Variants in ADGRL2 observed in about 807,000 individuals in gnomAD.
ADGRL2 encodes calcium-independent alpha-latrotoxin receptor 2.
A neutral mutation model predicts 157.4 loss-of-function variants in ADGRL2; 44 were observed. The observed-to-expected ratio is 0.28, with a 90% CI of 0.22 to 0.36. ADGRL2 has a LOEUF of 0.36. Among genes scored for constraint, ADGRL2 ranks in the 10% least tolerant of loss-of-function variants. The pLI, the probability that ADGRL2 is intolerant of heterozygous loss-of-function variation, is 1.00. For synonymous variants in ADGRL2, 585 were observed against 624.7 expected (o/e 0.94, Z 0.95); for missense variants, 1,510 against 1,768.9 (o/e 0.85, Z 2.63).
intron 2 of ADGRL2, among the ~76,000 whole-genome samples, chr1:81,565,348 T>C (rs2080533694): frequency 6.6e-6 from 1 of 152,232 alleles, no homozygotes; most frequent in Admixed American, 6.5e-5. Flanking sequence ...CTTAGCATGC[T>C]ATTTCACTAT....
At chr1:81,403,658 A>C (rs1040886217) in intron 1 of ADGRL2, among the ~76,000 whole-genome samples, 3 of 152,168 alleles carry the variant, frequency 2.0e-5, no homozygotes, top group Non-Finnish European at 2.9e-5. Flanking sequence ...AATCTTGGAA[A>C]AATGGGTTTA....
chr1:81,908,966 C>T (rs1572058502), intron 3 of ADGRL2, among the ~76,000 whole-genome samples: 1 of 151,060 alleles, frequency 6.6e-6, no homozygotes, highest in African/African-American at 2.4e-5. Flanking sequence ...TCTTTGTCTC[C>T]TGGGTTCAAG....
intron 2 of ADGRL2, among the ~76,000 whole-genome samples, chr1:81,542,612 A>C (rs2079911624): frequency 6.6e-6 from 1 of 152,226 alleles, no homozygotes; most frequent in Non-Finnish European, 1.5e-5. Flanking sequence ...CAGAATAGTA[A>C]GGTCAATAAC....
intron 1 of ADGRL2, among the ~76,000 whole-genome samples, chr1:81,401,167 C>G (rs1170742224): frequency 6.6e-6 from 1 of 152,078 alleles, no homozygotes; most frequent in African/African-American, 2.4e-5. Context: ...AGGTGGTGGC[C>G]AACATACTTG....
At chr1:81,876,768 C>T (rs1023656532) in intron 2 of ADGRL2, among the ~76,000 whole-genome samples, 2 of 152,092 alleles carry the variant, frequency 1.3e-5, no homozygotes, top group African/African-American at 4.8e-5. Flanking sequence ...TAACTCAAAT[C>T]CTCAGACTAG....
chr1:81,680,638 A>G (rs1385984263), intron 3 of ADGRL2, among the ~76,000 whole-genome samples: 1 of 152,012 alleles, frequency 6.6e-6, no homozygotes, highest in Non-Finnish European at 1.5e-5. Flanking sequence ...TGTTTTCTCC[A>G]TTATTTAATC....
intron 3 of ADGRL2, among the ~76,000 whole-genome samples, chr1:81,679,995 A>T (rs2083075850): frequency 6.6e-6 from 1 of 152,160 alleles, no homozygotes; most frequent in Non-Finnish European, 1.5e-5. Flanking sequence ...GCAATTTCAC[A>T]CTGCTTTTCT....
At chr1:81,911,218 C>T (rs1396605416) in intron 3 of ADGRL2, among the ~76,000 whole-genome samples, 1 of 152,038 alleles carries the variant, frequency 6.6e-6, no homozygotes, top group Non-Finnish European at 1.5e-5. Context: ...CTGAGAGGCT[C>T]ATCCTAAAAA....
At chr1:81,580,323 T>C (rs1467675084) in intron 2 of ADGRL2, among the ~76,000 whole-genome samples, 1 of 151,906 alleles carries the variant, frequency 6.6e-6, no homozygotes, top group African/African-American at 2.4e-5. Flanking sequence ...TTACATTGTA[T>C]TGATAAGTAC....
chr1:81,456,388 T>G (rs377286116), intron 2 of ADGRL2, among the ~76,000 whole-genome samples: 1 of 151,944 alleles, frequency 6.6e-6, no homozygotes, highest in African/African-American at 2.4e-5. Context: ...CCAGCTAATT[T>G]TTTTAATTTT....
intron 2 of ADGRL2, among the ~76,000 whole-genome samples, chr1:81,485,377 G>A (rs1296933025): frequency 6.6e-6 from 1 of 152,022 alleles, no homozygotes; most frequent in Non-Finnish European, 1.5e-5. Flanking sequence ...CCTGTTTTAA[G>A]ATTTTGAGTG....
At chr1:81,986,803 A>G in intron 21 of ADGRL2, 98 bp from the exon 22 acceptor site, 1 of 1,249,444 alleles carries the variant, frequency 8.0e-7, no homozygotes, top group South Asian at 1.4e-5. Context: ...ACTACCCTTG[A>G]TGAATATAAA....
At chr1:81,911,445 T>C (rs1000186272) in intron 3 of ADGRL2, among the ~76,000 whole-genome samples, 4 of 152,170 alleles carry the variant, frequency 2.6e-5, no homozygotes, top group Non-Finnish European at 2.9e-5. Context: ...CTACCAGTAT[T>C]GTCTCTTTGC....
intron 1 of ADGRL2, among the ~76,000 whole-genome samples, chr1:81,351,962 A>T (rs1312037735): frequency 6.6e-6 from 1 of 152,234 alleles, no homozygotes; most frequent in Non-Finnish European, 1.5e-5. Flanking sequence ...GGTAGCCAAA[A>T]CACAAAAGCC....
intron 2 of ADGRL2, among the ~76,000 whole-genome samples, chr1:81,534,314 A>T (rs925370387): frequency 6.6e-6 from 1 of 151,996 alleles, no homozygotes; most frequent in African/African-American, 2.4e-5. Flanking sequence ...GGCACGAGGC[A>T]CCTTGCCTGG....
chr1:81,516,933 A>G lies in ADGRL2; in HGVS notation c.-247-63943A>G, dbSNP rs142818496. Among the ~76,000 whole-genome samples the G allele has an allele frequency of 6.1e-3, 927 of 151,652 alleles. 3 individuals are homozygous for G. Among genetic ancestry groups the G allele is most frequent in the Non-Finnish European group, 9.4e-3 (639 of 67,890 alleles). The stretch of plus-strand genomic sequence containing the variant: ...CGGTGGCGCAGACACACTAACTTGC[A>G]TACAGTGGGTGGTTAATAAATAGTA... On this transcript the variant is annotated intron_variant, in intron 2 of 24. Transcript: ENST00000370721.
chr1:81,533,459 T>C (rs2079655080), intron 2 of ADGRL2, among the ~76,000 whole-genome samples: 1 of 152,226 alleles, frequency 6.6e-6, no homozygotes, highest in African/African-American at 2.4e-5. Context: ...CTCTTAAGTA[T>C]GTTCCTCTGA....
intron 3 of ADGRL2, among the ~76,000 whole-genome samples, chr1:81,929,968 T>C (rs1462833301): frequency 6.6e-6 from 1 of 152,100 alleles, no homozygotes; most frequent in Non-Finnish European, 1.5e-5. Flanking sequence ...GGTTGAAAGG[T>C]TTAATACATT....
intron 1 of ADGRL2, among the ~76,000 whole-genome samples, chr1:81,330,703 G>A (rs1661214484): frequency 6.6e-6 from 1 of 152,096 alleles, no homozygotes; most frequent in Non-Finnish European, 1.5e-5. Flanking sequence ...ATTACTACAA[G>A]CTGCCAACAG....
Sources: gnomAD v4.1 joint callset for allele counts (sites outside exome capture counted in the v4.1 genomes callset) on GRCh38, gnomAD v4.1.1 for gene constraint, MANE v1.5 for transcripts, NCBI Gene and HGNC (gene_info 2026-07-23, HGNC 2026-07-21) for gene names.